The following DOK5 variants were observed in gnomAD, a reference collection of about 807,000 sequenced individuals.
DOK5 encodes docking protein 5, also known as downstream of tyrosine kinase 5.
A neutral mutation model predicts 43.3 loss-of-function variants in DOK5; 27 were observed. That is an observed-to-expected ratio of 0.62 (90% CI 0.46 to 0.86). The LOEUF (loss-of-function observed/expected upper bound fraction) is 0.86. Ranked by LOEUF, DOK5 falls within the 40% of genes least tolerant of loss-of-function variation. The probability of loss-of-function intolerance (pLI) is 0.00; values close to 1 mark genes in which losing one functional copy is unlikely to be tolerated. For synonymous variants in DOK5, 146 were observed against 140.1 expected (o/e 1.04, Z -0.30); for missense variants, 373 against 392.9 (o/e 0.95, Z 0.43).
intron 5 of DOK5, among the ~76,000 whole-genome samples, chr20:54,607,926 C>T (rs1986523858): frequency 1.4e-5 from 2 of 146,334 alleles, no homozygotes; most frequent in Non-Finnish European, 3.0e-5. Flanking sequence ...CAAAACAAAA[C>T]AAAGTGGGCA....
At position 54,525,449 on chromosome 20, in the gene DOK5, A is replaced by G. The variant is rs78930144; in HGVS notation, c.67-29484A>G. Among the ~76,000 whole-genome samples the G allele has an allele frequency of 2.6e-3, 395 of 152,348 alleles. 1 individual carries two copies. Among genetic ancestry groups the G allele is most frequent in the African/African-American group, 8.7e-3 (362 of 41,586 alleles). On this transcript the variant is annotated intron_variant, in intron 1 of 7. Transcript: ENST00000262593. ...CATTGAAGTACCCTAAAGAGCAAGT[A>G]ACATATGGTGCTTTTGTTAGTTTTT...
intron 6 of DOK5, among the ~76,000 whole-genome samples, chr20:54,615,184 G>T (rs925331204): frequency 6.6e-6 from 1 of 152,190 alleles, no homozygotes; most frequent in African/African-American, 2.4e-5. Context: ...TTACAGCCTG[G>T]AGTGAATTGA....
intron 1 of DOK5, among the ~76,000 whole-genome samples, chr20:54,483,973 G>A (rs917588446): frequency 6.6e-6 from 1 of 152,186 alleles, no homozygotes; most frequent in Non-Finnish European, 1.5e-5. Context: ...CCAGTGAGAG[G>A]ATGCAGGTGA....
At chr20:54,516,703 A>C (rs1983208575) in intron 1 of DOK5, among the ~76,000 whole-genome samples, 1 of 152,216 alleles carries the variant, frequency 6.6e-6, no homozygotes, top group Admixed American at 6.5e-5. Context: ...TATACGATGT[A>C]AAAATTAACA....
At chr20:54,525,550 A>G (rs1359123902) in intron 1 of DOK5, among the ~76,000 whole-genome samples, 1 of 152,220 alleles carries the variant, frequency 6.6e-6, no homozygotes, top group Non-Finnish European at 1.5e-5. Context: ...AGAATATGGA[A>G]AAATCTAGAT....
chr20:54,615,693 C>T (rs1239596899), intron 6 of DOK5, among the ~76,000 whole-genome samples: 2 of 152,078 alleles, frequency 1.3e-5, no homozygotes, highest in African/African-American at 2.4e-5. Flanking sequence ...GGGTGGATCA[C>T]GAGGTCAAGA....
At position 54,475,615 on chromosome 20, in the gene DOK5, G is replaced by C; in HGVS notation, c.-332G>C. ...CTCCTTCTTCTCCTCCTTCTCGGCCGGGAGGAGGCAGGGCTGGATCCCTCA... is the reference window on the plus strand; with the variant it reads ...CTCCTTCTTCTCCTCCTTCTCGGCCCGGAGGAGGCAGGGCTGGATCCCTCA... On this transcript the variant is annotated 5_prime_UTR_variant, in exon 1 of 8. Coordinates refer to ENST00000262593, the MANE Select transcript of DOK5 (RefSeq NM_018431.5). This position sits in a 1 kb window ranked among gnomAD's most constrained non-coding sequence, Gnocchi z 4.2. 1 of 374,082 alleles carries C rather than the reference G, an allele frequency of 2.7e-6. No homozygotes were observed. The highest frequency in any genetic ancestry group is 4.9e-6 in the Non-Finnish European group (1 of 205,666). The allele number at this position is 374,082 out of a possible 1,614,324, so 23.2% of individuals were successfully genotyped here.
intron 5 of DOK5, among the ~76,000 whole-genome samples, chr20:54,605,122 C>CACAT (rs1440298250): frequency 6.6e-6 from 1 of 151,514 alleles, no homozygotes; most frequent in African/African-American, 2.4e-5. Flanking sequence ...CACACACACA[C>CACAT]ACACAAACAC....
At chr20:54,521,034 G>C (rs1983375295) in intron 1 of DOK5, among the ~76,000 whole-genome samples, 1 of 151,906 alleles carries the variant, frequency 6.6e-6, no homozygotes, top group African/African-American at 2.4e-5. Flanking sequence ...CCTGCTTGTG[G>C]CTCGGCTTGC....
At chr20:54,545,343 A>G (rs1247336148) in intron 1 of DOK5, among the ~76,000 whole-genome samples, 1 of 152,166 alleles carries the variant, frequency 6.6e-6, no homozygotes, top group Non-Finnish European at 1.5e-5. Context: ...ATATCAACCC[A>G]CACCATTTTC....
intron 1 of DOK5, among the ~76,000 whole-genome samples, chr20:54,534,900 G>A (rs912530743): frequency 1.3e-5 from 2 of 150,476 alleles, no homozygotes; most frequent in African/African-American, 2.5e-5. Flanking sequence ...GCAGTGGCAC[G>A]ATCTCGGCTC....
intron 1 of DOK5, among the ~76,000 whole-genome samples, chr20:54,544,977 ATCC>A (rs764195440): frequency 1.3e-5 from 2 of 152,182 alleles, no homozygotes; most frequent in Non-Finnish European, 2.9e-5. Flanking sequence ...AGCTCCTCTC[ATCC>A]TCCTAACCTG....
At chr20:54,604,351 C>G (rs562482356) in intron 5 of DOK5, among the ~76,000 whole-genome samples, 3 of 151,286 alleles carry the variant, frequency 2.0e-5, no homozygotes, top group Admixed American at 1.3e-4. Context: ...TCAGGTGCTT[C>G]GGATCTGTTT....
At position 54,520,070 on chromosome 20, in the gene DOK5, A is replaced by G. The variant is rs538561976; in HGVS notation, c.67-34863A>G. The stretch of plus-strand genomic sequence containing the variant: ...GAACTCTTGTTGCAATGCTTATGTT[A>G]TTGGGCCCCTCCACATCCTTGCCAC... On this transcript the variant is annotated intron_variant, in intron 1 of 7. Transcript: ENST00000262593. Among the ~76,000 whole-genome samples, 91 of 152,262 alleles carry G rather than the reference A, an allele frequency of 6.0e-4. 2 individuals are homozygous for G. The South Asian group carries it at 0.014, about 23-fold the overall frequency.
chr20:54,579,493 T>C (rs535290266), intron 2 of DOK5, among the ~76,000 whole-genome samples: 4 of 152,160 alleles, frequency 2.6e-5, no homozygotes, highest in African/African-American at 9.6e-5. Context: ...TTATAGCAGA[T>C]CTCTAGGGCT....
At chr20:54,561,048 C>A (rs183920143) in intron 2 of DOK5, among the ~76,000 whole-genome samples, 103 of 152,324 alleles carry the variant, frequency 6.8e-4, no homozygotes, top group Non-Finnish European at 1.3e-3. Context: ...TCAAATCAAT[C>A]CATCACCAGG....
chr20:54,644,345 T>G (rs1044713125), intron 7 of DOK5, among the ~76,000 whole-genome samples: 12 of 144,644 alleles, frequency 8.3e-5, no homozygotes, highest in Non-Finnish European at 1.5e-4. Flanking sequence ...GCCAAGGCGG[T>G]CAGATCACCT....
intron 6 of DOK5, among the ~76,000 whole-genome samples, chr20:54,623,969 A>G (rs975420512): frequency 6.6e-6 from 1 of 152,202 alleles, no homozygotes; most frequent in African/African-American, 2.4e-5. Flanking sequence ...AACAGGAAAC[A>G]CCAGGAATTT....
chr20:54,480,593 C>T (rs898223183), intron 1 of DOK5, among the ~76,000 whole-genome samples: 5 of 152,210 alleles, frequency 3.3e-5, no homozygotes, highest in Admixed American at 3.3e-4. Flanking sequence ...TATGCCTTTA[C>T]TTTCCTAATA....
Sources: gnomAD v4.1 joint callset for allele counts (sites outside exome capture counted in the v4.1 genomes callset) on GRCh38, gnomAD v4.1.1 for gene constraint, Gnocchi (gnomAD v3.1) non-coding constraint, MANE v1.5 for transcripts, NCBI Gene and HGNC (gene_info 2026-07-23, HGNC 2026-07-21) for gene names.